The following MMS19 variants were observed in gnomAD, a reference collection of about 807,000 sequenced individuals.
MMS19 encodes the protein MMS19 cytosolic iron-sulfur assembly component.
A neutral mutation model predicts 129.8 loss-of-function variants in MMS19; 77 were observed. The observed-to-expected ratio is 0.59, with a 90% confidence interval of 0.49 to 0.72. MMS19 has a LOEUF of 0.72. Ranked by LOEUF, MMS19 falls within the 30% of genes least tolerant of loss-of-function variation. The pLI, the probability that MMS19 is intolerant of heterozygous loss-of-function variation, is 0.00. For missense variants in MMS19, 1,168 were observed against 1,266.3 expected (o/e 0.92, Z 1.18); for synonymous variants, 491 against 502.8 (o/e 0.98, Z 0.31).
chr10:97,488,396 G>T (rs1182140026), intron 1 of MMS19, among the ~76,000 whole-genome samples: 1 of 152,152 alleles, frequency 6.6e-6, no homozygotes, highest in Non-Finnish European at 1.5e-5. Context: ...TAGAATTCCA[G>T]GTACATATAG....
chr10:97,493,632 T>C (rs1436210120), intron 1 of MMS19, among the ~76,000 whole-genome samples: 1 of 152,182 alleles, frequency 6.6e-6, no homozygotes, highest in African/African-American at 2.4e-5. Context: ...TGGGTTGGCA[T>C]GAGAAAGAAG....
chr10:97,476,192 T>G (rs943598349), intron 8 of MMS19, among the ~76,000 whole-genome samples: 1 of 152,238 alleles, frequency 6.6e-6, no homozygotes, highest in Non-Finnish European at 1.5e-5. Flanking sequence ...TGTGCACAAT[T>G]GTGCCTTCTT....
At chr10:97,476,360 T>C (rs2035775667) in intron 8 of MMS19, among the ~76,000 whole-genome samples, 1 of 152,222 alleles carries the variant, frequency 6.6e-6, no homozygotes, top group Admixed American at 6.5e-5. Context: ...TCTGAACAGC[T>C]ATAGTACTAC....
At chr10:97,484,824 G>A (rs538372666) in intron 1 of MMS19, among the ~76,000 whole-genome samples, 49 of 152,264 alleles carry the variant, frequency 3.2e-4, no homozygotes, top group Middle Eastern at 3.4e-3. Flanking sequence ...GGCTGAGGCA[G>A]GAGAATCACT....
chr10:97,488,715 T>C lies in MMS19; in HGVS notation c.113-4564A>G, dbSNP rs1367803388. The stretch of plus-strand genomic sequence containing the variant: ...CATGTTTGGTACAGTTGCTATTTTT[T>C]CCCCCAAATACTTTTGACCTGCAGT... On this transcript the variant is annotated intron_variant, in intron 1 of 30. Transcript: ENST00000438925. Among the ~76,000 whole-genome samples, 4 of 152,298 alleles carry C rather than the reference T, an allele frequency of 2.6e-5. No homozygotes were observed. The South Asian group carries it at 6.2e-4, about 24-fold the overall frequency.
chr10:97,466,362 C>T (rs1340407079), intron 16 of MMS19, 142 bp downstream of exon 16: 8 of 781,312 alleles, frequency 1.0e-5, no homozygotes, highest in African/African-American at 1.7e-5. Context: ...AACTGGTTAG[C>T]AGCCAGAGTC....
At chr10:97,471,899 T>C (rs1294845627) in intron 8 of MMS19, among the ~76,000 whole-genome samples, 2 of 151,896 alleles carry the variant, frequency 1.3e-5, no homozygotes, top group Non-Finnish European at 2.9e-5. Flanking sequence ...AGGTACAAAA[T>C]AGAAAACAAA....
intron 1 of MMS19, among the ~76,000 whole-genome samples, chr10:97,497,951 C>T (rs2040109122): frequency 6.6e-6 from 1 of 152,208 alleles, no homozygotes; most frequent in Admixed American, 6.5e-5. Context: ...ACGCCTGGGT[C>T]CGAGTCCCAC....
At chr10:97,459,821 G>A (rs950819891) in intron 26 of MMS19, 80 bp from the exon 27 acceptor site, 2 of 1,208,870 alleles carry the variant, frequency 1.7e-6, no homozygotes, top group Non-Finnish European at 2.4e-6. Context: ...CTGTGGTGAG[G>A]CTGAGACATC....
intron 23 of MMS19, 185 bp downstream of exon 23, chr10:97,461,311 A>G (rs2031824788): frequency 1.4e-6 from 1 of 689,926 alleles, no homozygotes; most frequent in African/African-American, 1.8e-5. Context: ...CTTAGGTACT[A>G]TAAAGCTCTG....
intron 1 of MMS19, among the ~76,000 whole-genome samples, chr10:97,488,563 A>G (rs1374199834): frequency 6.6e-6 from 1 of 152,242 alleles, no homozygotes; most frequent in Non-Finnish European, 1.5e-5. Context: ...CATACAAACT[A>G]TGGACACTCT....
intron 1 of MMS19, 129 bp from the exon 2 acceptor site, chr10:97,484,280 A>G: frequency 3.6e-6 from 2 of 555,326 alleles, no homozygotes; most frequent in Non-Finnish European, 6.2e-6. Flanking sequence ...ATTTGCCAAG[A>G]GCCCTCCTAG....
intron 1 of MMS19, among the ~76,000 whole-genome samples, chr10:97,484,498 T>C (rs1396075117): frequency 6.6e-6 from 1 of 152,088 alleles, no homozygotes; most frequent in African/African-American, 2.4e-5. Flanking sequence ...ATATACACAA[T>C]AGCCTGTAAA....
chr10:97,470,645 A>G (rs1589644684), intron 9 of MMS19, 130 bp downstream of exon 9: 1 of 612,534 alleles, frequency 1.6e-6, no homozygotes, highest in East Asian at 2.8e-5. Context: ...GATACCTGCC[A>G]CACAAGACAC....
intron 6 of MMS19, 126 bp from the exon 7 acceptor site, chr10:97,477,089 A>G: frequency 1.3e-6 from 2 of 1,529,080 alleles, no homozygotes; most frequent in South Asian, 1.3e-5. Flanking sequence ...CCCTTTTTCC[A>G]TTCCAAGAAA....
At chr10:97,469,964 C>T (rs1179325054) in intron 10 of MMS19, among the ~76,000 whole-genome samples, 165 bp downstream of exon 10, 1 of 152,106 alleles carries the variant, frequency 6.6e-6, no homozygotes, top group African/African-American at 2.4e-5. Flanking sequence ...GGATGGGACA[C>T]GACGATATGC....
chr10:97,461,973 T>TA (rs760858902), intron 21 of MMS19, 44 bp downstream of exon 21: 1,076 of 1,516,854 alleles, frequency 7.1e-4, no homozygotes, highest in Middle Eastern at 8.5e-4. Context: ...AGATTAGCCC[T>TA]AAAAAAAAAC....
rs749741664 is a variant in MMS19 at position 97,459,473 on chromosome 10, G to T, written c.2793C>A (p.Leu931=). 7 of 1,612,968 alleles carry T rather than the reference G, an allele frequency of 4.3e-6. No homozygotes were observed. In the Admixed American group the frequency reaches 8.4e-5, roughly 19 times the overall value. The change falls in exon 28 of 31, where the codon CTC becomes CTA. Residue 931 remains leucine, a synonymous_variant. Transcript: ENST00000438925. ...ALSCPDCVVQ[L]STLSCLQPLL... ...GAGGCTGAAGGCAGCTGAGGGTGGAGAGCTGCACCACACAGTCAGGGCAGG... is the reference window on the plus strand; with the variant it reads ...GAGGCTGAAGGCAGCTGAGGGTGGATAGCTGCACCACACAGTCAGGGCAGG...
At position 97,476,866 on chromosome 10, in the gene MMS19, G is replaced by C. The variant is rs780551892; in HGVS notation, c.591C>G (p.Val197=). 8.2e-5 allele frequency: 132 copies of C among 1,613,878 alleles called. No individual in the cohort carries two copies. Among genetic ancestry groups the C allele is most frequent in the Non-Finnish European group, 1.0e-4 (118 of 1,179,892 alleles). Residue 197 remains valine (V), a synonymous_variant, in exon 7 of 31, where the codon GTC becomes GTG. Coordinates refer to ENST00000438925, the MANE Select transcript of MMS19 (RefSeq NM_022362.5). The part of the protein sequence containing the change: ...PRNLLVAFRI[V]HDLISRDYSL... ...TATAGTCCCTGGAGATGAGGTCATG[G>C]ACGATGCGGAAGGCCACCAGAAGAT...
Sources: allele counts gnomAD v4.1 joint callset (sites outside exome capture counted in the v4.1 genomes callset), GRCh38; gene constraint gnomAD v4.1.1; transcripts MANE v1.5; gene names NCBI Gene and HGNC (gene_info 2026-07-23, HGNC 2026-07-21).